The following RFFL variants were observed in gnomAD, a reference collection of about 807,000 sequenced individuals.
RFFL encodes the protein E3 ubiquitin-protein ligase rififylin.
RFFL carries 16 observed loss-of-function variants against 40.4 expected under a neutral mutation model. That is an observed-to-expected ratio of 0.40 (90% CI 0.27 to 0.60). RFFL has a LOEUF of 0.60. RFFL is among the 20% of genes least tolerant of loss of function. The pLI, the probability that RFFL is intolerant of heterozygous loss-of-function variation, is 0.47. For synonymous variants in RFFL, 154 were observed against 167.9 expected (o/e 0.92, Z 0.64); for missense variants, 367 against 451.7 (o/e 0.81, Z 1.70).
At chr17:35,040,841 C>CTATTTT (rs1452137424) in intron 1 of RFFL, among the ~76,000 whole-genome samples, 1 of 62,392 alleles carries the variant, frequency 1.6e-5, no homozygotes, top group South Asian at 6.2e-4. Flanking sequence ...GCTTTAATGT[C>CTATTTT]TTTTTTTTTT....
At chr17:35,086,078 G>A (rs920523209) in intron 1 of RFFL, among the ~76,000 whole-genome samples, 1 of 152,164 alleles carries the variant, frequency 6.6e-6, no homozygotes, top group South Asian at 2.1e-4. Flanking sequence ...ATCCTACTAA[G>A]AGCCAAATTA....
In RFFL at chr17:35,007,954, T is replaced by C. The variant is rs1044492420; in HGVS notation, c.*4014A>G. 8 of 152,256 alleles carry C rather than the reference T, an allele frequency of 5.3e-5. No individual in the cohort carries two copies. Among genetic ancestry groups the C allele is most frequent in the African/African-American group, 1.9e-4 (8 of 41,456 alleles). The allele number at this position is 152,256 out of a possible 1,614,324, so 9.4% of individuals were successfully genotyped here. A position where few individuals can be genotyped will look rare whatever the true frequency, so the allele number is the denominator to read the frequency against. On this transcript the variant is annotated 3_prime_UTR_variant, in exon 7 of 7. Transcript: ENST00000394597. ...CCACGTTTCGCCATGTTGTCCAGAC[T>C]GGTCTCAAACTCCTGGCCTCGAGTC...
intron 4 of RFFL, among the ~76,000 whole-genome samples, 170 bp downstream of exon 4, chr17:35,017,353 G>A (rs563387702): frequency 4.6e-5 from 7 of 152,204 alleles, no homozygotes; most frequent in East Asian, 1.9e-4. Flanking sequence ...TACACTGACC[G>A]CTTCACTAGT....
intron 1 of RFFL, among the ~76,000 whole-genome samples, chr17:35,052,575 G>A (rs993590024): frequency 2.0e-5 from 3 of 151,986 alleles, no homozygotes; most frequent in African/African-American, 7.3e-5. Context: ...AGAAAGAAAA[G>A]GAAATGTGAA....
chr17:35,067,234 C>A (rs1159652236), upstream of RFFL, among the ~76,000 whole-genome samples: 1 of 151,736 alleles, frequency 6.6e-6, no homozygotes, highest in Non-Finnish European at 1.5e-5. Context: ...TCTCCTTCCT[C>A]AGCCTCCCAA....
intron 1 of RFFL, among the ~76,000 whole-genome samples, chr17:35,052,846 G>A (rs916164100): frequency 2.6e-5 from 4 of 152,172 alleles, no homozygotes; most frequent in Non-Finnish European, 5.9e-5. Flanking sequence ...GTGCCACAAA[G>A]GAGACATAAA....
chr17:35,045,591 G>A (rs2091194245), intron 1 of RFFL, among the ~76,000 whole-genome samples: 1 of 152,036 alleles, frequency 6.6e-6, no homozygotes, highest in African/African-American at 2.4e-5. Context: ...AAGTGAAACA[G>A]GAAACAAGAG....
chr17:35,038,286 CA>C (rs33952696), intron 1 of RFFL, among the ~76,000 whole-genome samples: 55,695 of 99,440 alleles, frequency 0.56, 11,957 homozygotes, highest in African/African-American at 0.58. Context: ...AAAACTGTCT[CA>C]AAAAAAAAAA....
At chr17:35,067,513 G>C (rs1340826399), upstream of RFFL, among the ~76,000 whole-genome samples, 1 of 144,810 alleles carries the variant, frequency 6.9e-6, no homozygotes, top group Non-Finnish European at 1.5e-5. Flanking sequence ...TTGGAGTGCA[G>C]TGGCACAATT....
chr17:35,021,594 C>G lies in RFFL; in HGVS notation c.368G>C (p.Cys123Ser). 1 of 1,614,224 alleles carries G rather than the reference C, an allele frequency of 6.2e-7. No homozygotes were observed. The highest frequency in any genetic ancestry group is 8.5e-7 in the Non-Finnish European group (1 of 1,180,040). Residue 123 changes from cysteine (C) to serine (S), a missense_variant, in exon 3 of 7, where the codon TGC becomes TCC. Physicochemically the swap from Cys to Ser is moderately radical, Grantham distance 112. Transcript: ENST00000394597. ...GAGCACCAGCTCTTCTTTCTCCCGG[C>G]ACATTTCGGTAGAGATGTCATGGAG... ...LSLHDISTEM[C>S]REKEELVLLV...
At chr17:35,017,754 G>A in intron 3 of RFFL, 148 bp from the exon 4 acceptor site, 1 of 615,458 alleles carries the variant, frequency 1.6e-6, no homozygotes, top group South Asian at 1.8e-5. Context: ...ACAAAAGCCT[G>A]CTCTCTCATA....
At chr17:35,033,355 C>T (rs1634802) in intron 1 of RFFL, among the ~76,000 whole-genome samples, 56,246 of 150,260 alleles carry the variant, frequency 0.37, 12,065 homozygotes, top group Non-Finnish European at 0.47. Context: ...ATGGTGAAAC[C>T]CCATCTCTAC....
chr17:35,024,377 A>G (rs775210448), intron 2 of RFFL, among the ~76,000 whole-genome samples: 3 of 151,894 alleles, frequency 2.0e-5, no homozygotes, highest in Non-Finnish European at 4.4e-5. Context: ...CTCTCTTAAC[A>G]CTCTGAGATC....
At chr17:35,016,850 G>A (rs917085203) in intron 4 of RFFL, among the ~76,000 whole-genome samples, 4 of 152,292 alleles carry the variant, frequency 2.6e-5, no homozygotes, top group South Asian at 4.1e-4. Flanking sequence ...AGTAGAAGGA[G>A]TGCTGGTTTG....
rs1567712253 is a variant in RFFL, at chr17:35,055,707, AC to A, written c.-9+7868del. 4.4e-4 allele frequency among the ~76,000 whole-genome samples: 67 copies of A among 151,684 alleles called. 1 individual carries two copies. Among genetic ancestry groups the A allele is most frequent in the African/African-American group, 1.5e-3 (61 of 41,138 alleles). On this transcript the variant is annotated intron_variant, in intron 1 of 6. Coordinates refer to ENST00000394597, the MANE Select transcript of RFFL (RefSeq NM_001017368.2). ...AAACAAACAAACAAACAAAAAAAAAACATTAATCAGGCTGGATTTTGACACA... is the reference window on the plus strand; with the variant it reads ...AAACAAACAAACAAACAAAAAAAAAAATTAATCAGGCTGGATTTTGACACA...
At chr17:35,033,886 T>C (rs1225926663) in intron 1 of RFFL, among the ~76,000 whole-genome samples, 1 of 151,842 alleles carries the variant, frequency 6.6e-6, no homozygotes, top group Non-Finnish European at 1.5e-5. Flanking sequence ...CTCAAGCCTG[T>C]AATCCCAGCA....
At chr17:35,059,017 A>AT (rs750015998) in intron 1 of RFFL, among the ~76,000 whole-genome samples, 10,845 of 123,458 alleles carry the variant, frequency 0.088, 729 homozygotes, top group African/African-American at 0.1. Context: ...TCGAGCTAGA[A>AT]TTTTTTTTTT....
intron 1 of RFFL, among the ~76,000 whole-genome samples, chr17:35,035,408 CAA>C (rs35989343): frequency 0.027 from 3,080 of 115,736 alleles, 103 homozygotes; most frequent in African/African-American, 0.088. Flanking sequence ...GACTCCATCT[CAA>C]AAAAAAAAAA....
At chr17:35,045,477 G>T (rs1232278879) in intron 1 of RFFL, among the ~76,000 whole-genome samples, 1 of 150,798 alleles carries the variant, frequency 6.6e-6, no homozygotes, top group Non-Finnish European at 1.5e-5. Flanking sequence ...CAAGTGATTT[G>T]CCCGCCTCAG....
Sources: gnomAD v4.1 joint callset for allele counts (sites outside exome capture counted in the v4.1 genomes callset) on GRCh38, gnomAD v4.1.1 for gene constraint, MANE v1.5 for transcripts, NCBI Gene and HGNC (gene_info 2026-07-23, HGNC 2026-07-21) for gene names.